The following ESRRB variants were observed in gnomAD, a reference collection of about 807,000 sequenced individuals.
ESRRB encodes estrogen related receptor beta, also known as steroid hormone receptor ERR2.
ESRRB carries 16 observed loss-of-function variants against 46.0 expected under a neutral mutation model. The observed-to-expected ratio is 0.35, with a 90% CI of 0.24 to 0.53. The LOEUF (loss-of-function observed/expected upper bound fraction) is 0.53, where lower values mean the gene tolerates loss of function less well. Ranked by LOEUF, ESRRB falls within the 20% of genes least tolerant of loss-of-function variation. ESRRB has a pLI of 0.93. For synonymous variants in ESRRB, 246 were observed against 259.6 expected (o/e 0.95, Z 0.50); for missense variants, 488 against 607.4 (o/e 0.80, Z 2.07).
intron 1 of ESRRB, among the ~76,000 whole-genome samples, chr14:76,329,558 GGTT>G (rs1305046155): frequency 6.6e-6 from 1 of 152,186 alleles, no homozygotes; most frequent in Non-Finnish European, 1.5e-5. Flanking sequence ...AAAATGTCTG[GGTT>G]TTGTTTACGG....
At chr14:76,366,443 C>T (rs2139776228), upstream of ESRRB, among the ~76,000 whole-genome samples, 1 of 152,216 alleles carries the variant, frequency 6.6e-6, no homozygotes, top group South Asian at 2.1e-4. Context: ...AGGTGAAAGC[C>T]AGTATGTTAA....
intron 2 of ESRRB, among the ~76,000 whole-genome samples, chr14:76,449,208 C>T (rs1377507356): frequency 1.3e-5 from 2 of 152,130 alleles, no homozygotes; most frequent in East Asian, 3.8e-4. Context: ...TTTTGACACC[C>T]AACACTTGTA....
At chr14:76,326,843 T>C (rs1415594612) in intron 1 of ESRRB, among the ~76,000 whole-genome samples, 2 of 152,260 alleles carry the variant, frequency 1.3e-5, no homozygotes, top group African/African-American at 4.8e-5. Context: ...TCTTGCCAGC[T>C]GCTTTTTCCA....
chr14:76,398,065 G>A (rs1885773349), intron 1 of ESRRB, among the ~76,000 whole-genome samples: 1 of 152,164 alleles, frequency 6.6e-6, no homozygotes, highest in Non-Finnish European at 1.5e-5. Flanking sequence ...TTTAAACATG[G>A]GGCAGTGCCT....
At chr14:76,469,221 G>A (rs1342182973) in intron 3 of ESRRB, among the ~76,000 whole-genome samples, 1 of 152,080 alleles carries the variant, frequency 6.6e-6, no homozygotes, top group African/African-American at 2.4e-5. Context: ...AACTTCCCAA[G>A]TAGCTGAGAT....
At chr14:76,483,272 A>G (rs1190682757) in intron 5 of ESRRB, among the ~76,000 whole-genome samples, 1 of 152,188 alleles carries the variant, frequency 6.6e-6, no homozygotes. Flanking sequence ...TCTCTGTCAA[A>G]TGGGAATACA....
chr14:76,490,929 CG>C (rs1167822910), intron 5 of ESRRB, among the ~76,000 whole-genome samples: 1 of 152,142 alleles, frequency 6.6e-6, no homozygotes, highest in Non-Finnish European at 1.5e-5. Context: ...TGAACAGCTG[CG>C]TCCTCGTTCT....
chr14:76,458,383 T>G (rs1188908985), intron 2 of ESRRB, among the ~76,000 whole-genome samples: 8 of 147,486 alleles, frequency 5.4e-5, no homozygotes, highest in Non-Finnish European at 1.2e-4. Flanking sequence ...TAAAATAAAT[T>G]GAAAGGAACC....
rs952618741 is a variant in ESRRB, at chr14:76,482,147, T to C, written c.688+21T>C. ...GCCATGTGAGTGTCAGGGCAGTCCC[T>C]GCCCCTTTTGCCAGCATCTGTACCT... is the stretch of plus-strand genomic sequence containing the variant. On this transcript the variant is annotated intron_variant, in intron 4 of 6. Coordinates refer to ENST00000644823, the MANE Select transcript of ESRRB (RefSeq NM_001379180.1). This position sits in a 1 kb window ranked among gnomAD's most constrained non-coding sequence, Gnocchi z 4.3. The C allele has an allele frequency of 1.9e-6, 3 of 1,566,092 alleles. No individual in the cohort carries two copies. Among genetic ancestry groups the C allele is most frequent in the Admixed American group, 3.3e-5 (2 of 59,952 alleles).
intron 1 of ESRRB, among the ~76,000 whole-genome samples, chr14:76,391,899 G>A (rs1885484993): frequency 6.6e-6 from 1 of 152,114 alleles, no homozygotes; most frequent in Non-Finnish European, 1.5e-5. Flanking sequence ...GTATCCAAGG[G>A]GTTGAGGGCC....
rs1888907930 is a variant in ESRRB at position 76,462,469 on chromosome 14, T to C, written c.461-76T>C. ...CAGCTCTGGCAAATTAAAATCCCCA[T>C]CCAGCCAGCCCTGCGCTGGCAGGTG... On this transcript the variant is annotated intron_variant, in intron 2 of 6. Coordinates refer to ENST00000644823, the MANE Select transcript of ESRRB (RefSeq NM_001379180.1). The C allele has an allele frequency of 4.7e-5, 52 of 1,113,680 alleles. 1 individual carries two copies. The South Asian group carries it at 6.6e-4, about 14-fold the overall frequency. 69.0% of individuals were successfully genotyped at this position (1,113,680 alleles called of 1,614,324 possible).
At position 76,500,838 on chromosome 14, in the gene ESRRB, C is replaced by A; in HGVS notation, c.*2380C>A. 3.5e-6 allele frequency: 4 copies of A among 1,133,404 alleles called. No individual in the cohort carries two copies. The highest frequency in any genetic ancestry group is 4.0e-6 in the Non-Finnish European group (3 of 743,430). 70.2% of individuals were successfully genotyped at this position (1,133,404 alleles called of 1,614,324 possible). On this transcript the variant is annotated 3_prime_UTR_variant, in exon 7 of 7. Transcript: ENST00000644823. ...CCTCTAGCAGAGTGGGGCGGAAGTC[C>A]TGATGGTTGGTGTCCATGAGGTGGA... is the stretch of plus-strand genomic sequence containing the variant.
chr14:76,360,132 C>G (rs1486726297), intron 1 of ESRRB, among the ~76,000 whole-genome samples: 1 of 152,214 alleles, frequency 6.6e-6, no homozygotes, highest in Non-Finnish European at 1.5e-5. Flanking sequence ...CTTCCTCCCT[C>G]TCTGAGTGAG....
chr14:76,422,206 C>CTTTTTTT (rs552738537), intron 1 of ESRRB, among the ~76,000 whole-genome samples: 33 of 94,772 alleles, frequency 3.5e-4, no homozygotes, highest in Non-Finnish European at 4.8e-4. Context: ...ACATTTCCTT[C>CTTTTTTT]TTTTTTTTTT....
At chr14:76,401,941 C>G (rs1448011627) in intron 1 of ESRRB, among the ~76,000 whole-genome samples, 1 of 152,108 alleles carries the variant, frequency 6.6e-6, no homozygotes, top group African/African-American at 2.4e-5. Context: ...AGCTGGAGAC[C>G]CAGGAGAGCT....
At chr14:76,323,902 C>A (rs541496301) in intron 1 of ESRRB, among the ~76,000 whole-genome samples, 120 of 152,316 alleles carry the variant, frequency 7.9e-4, no homozygotes, top group Non-Finnish European at 5.9e-5. Flanking sequence ...GAGTCTGCTG[C>A]ATAACTGGTG....
intron 1 of ESRRB, among the ~76,000 whole-genome samples, chr14:76,387,973 C>T (rs556868470): frequency 6.6e-6 from 1 of 152,244 alleles, no homozygotes; most frequent in South Asian, 2.1e-4. Flanking sequence ...TTCCTCACAA[C>T]AATCCTAGGA....
intron 5 of ESRRB, among the ~76,000 whole-genome samples, chr14:76,489,142 C>G (rs2140045126): frequency 6.6e-6 from 1 of 152,182 alleles, no homozygotes; most frequent in South Asian, 2.1e-4. Flanking sequence ...ACCTCATCCT[C>G]TCTCTCCACC....
At chr14:76,415,081 C>T (rs1369531385) in intron 1 of ESRRB, among the ~76,000 whole-genome samples, 3 of 152,164 alleles carry the variant, frequency 2.0e-5, no homozygotes, top group Admixed American at 1.3e-4. Context: ...GGGACCCAGA[C>T]GTGAGCAAGT....
Sources: allele counts gnomAD v4.1 joint callset (sites outside exome capture counted in the v4.1 genomes callset), GRCh38; gene constraint gnomAD v4.1.1; non-coding constraint Gnocchi (gnomAD v3.1); transcripts MANE v1.5; gene names NCBI Gene and HGNC (gene_info 2026-07-23, HGNC 2026-07-21).